The following DHRSX variants were observed in gnomAD, a reference collection of about 807,000 sequenced individuals.
DHRSX encodes dehydrogenase/reductase X-linked, also known as polyprenol dehydrogenase.
A neutral mutation model predicts 34.0 loss-of-function variants in DHRSX; 31 were observed. The observed-to-expected ratio is 0.91, with a 90% CI of 0.69 to 1.23. The LOEUF is 1.23. Among genes scored for constraint, DHRSX ranks in the 50% most tolerant of loss-of-function variants. DHRSX has a pLI of 0.00. For synonymous variants in DHRSX, 201 were observed against 183.8 expected (o/e 1.09, Z -0.76); for missense variants, 414 against 428.1 (o/e 0.97, Z 0.29).
chrX:2,265,767 A>T (rs2041451681), intron 5 of DHRSX, among the ~76,000 whole-genome samples: 2 of 141,644 alleles, frequency 1.4e-5, no homozygotes, highest in Admixed American at 6.9e-5. Flanking sequence ...TGCTTGGCAG[A>T]CGCAGGGAGC....
At chrX:2,382,730 C>T (rs1452326413) in intron 3 of DHRSX, among the ~76,000 whole-genome samples, 3 of 120,244 alleles carry the variant, frequency 2.5e-5, no homozygotes, top group South Asian at 2.9e-4. Context: ...CCATCATCAC[C>T]ATCATCATCG....
chrX:2,394,741 C>T (rs1469798944), intron 3 of DHRSX, among the ~76,000 whole-genome samples: 1 of 152,112 alleles, frequency 6.6e-6, no homozygotes, highest in African/African-American at 2.4e-5. Flanking sequence ...TGGCACGTGC[C>T]TGTAGTCCCA....
At chrX:2,489,435 G>A (rs1467251593) in intron 1 of DHRSX, 1 of 1,613,938 alleles carries the variant, frequency 6.2e-7, no homozygotes. Context: ...GTGTTCAGGA[G>A]CATGTGCAGC....
intron 3 of DHRSX, among the ~76,000 whole-genome samples, chrX:2,369,879 G>C (rs2043036968): frequency 6.6e-6 from 1 of 152,050 alleles, no homozygotes; most frequent in South Asian, 2.1e-4. Context: ...CTGACATCAA[G>C]TGATCTGCCC....
At chrX:2,334,878 CAGTT>C (rs1279850944) in intron 3 of DHRSX, 1 of 152,094 alleles carries the variant, frequency 6.6e-6, no homozygotes, top group Non-Finnish European at 1.5e-5. Flanking sequence ...GAGATGGTGT[CAGTT>C]AATTTAGAAA....
chrX:2,219,528 C>A lies in DHRSX; in HGVS notation c.*1513G>T, dbSNP rs1211193742. ...TGATTTTTTTTTTAAAGAGGCCAAA[C>A]AATACATTTATTATTTTCATTTAAG... On this transcript the variant is annotated 3_prime_UTR_variant, in exon 7 of 7. Coordinates refer to ENST00000334651, the MANE Select transcript of DHRSX (RefSeq NM_145177.3). 6.6e-6 allele frequency: 1 copy of A among 151,998 alleles called. No homozygotes were observed. Among genetic ancestry groups the A allele is most frequent in the Non-Finnish European group, 1.5e-5 (1 of 68,002 alleles). 9.4% of individuals were successfully genotyped at this position (151,998 alleles called of 1,614,324 possible). A position where few individuals can be genotyped will look rare whatever the true frequency, so the allele number is the denominator to read the frequency against.
At chrX:2,256,565 T>C (rs917432260) in intron 5 of DHRSX, among the ~76,000 whole-genome samples, 3 of 152,170 alleles carry the variant, frequency 2.0e-5, no homozygotes, top group Non-Finnish European at 4.4e-5. Context: ...CAAAGTGCTT[T>C]CTATTGAAAT....
At chrX:2,469,665 C>T (rs1445149652) in intron 1 of DHRSX, among the ~76,000 whole-genome samples, 3 of 151,844 alleles carry the variant, frequency 2.0e-5, no homozygotes, top group Admixed American at 1.3e-4. Context: ...CGTGTACACA[C>T]GGAAGACATT....
chrX:2,472,119 T>C (rs902531349), intron 1 of DHRSX, among the ~76,000 whole-genome samples: 1 of 143,554 alleles, frequency 7.0e-6, no homozygotes. Context: ...CACTCCAGCC[T>C]GGGCAACAAA....
chrX:2,304,853 A>T (rs1261204407), intron 3 of DHRSX, among the ~76,000 whole-genome samples: 1 of 151,884 alleles, frequency 6.6e-6, no homozygotes, highest in Non-Finnish European at 1.5e-5. Context: ...TCCCATTACT[A>T]GGTATATATC....
chrX:2,303,713 A>AGGATGGGTAGATGGAT (rs2124507121), intron 3 of DHRSX, among the ~76,000 whole-genome samples: 1 of 150,100 alleles, frequency 6.7e-6, no homozygotes, highest in South Asian at 2.1e-4. Flanking sequence ...GATGGGTGGA[A>AGGATGGGTAGATGGAT]GGATGGGTAG....
At chrX:2,369,227 A>G (rs2043028782) in intron 3 of DHRSX, among the ~76,000 whole-genome samples, 1 of 152,214 alleles carries the variant, frequency 6.6e-6, no homozygotes, top group Non-Finnish European at 1.5e-5. Flanking sequence ...CTGATGTGGA[A>G]ATAACACAAG....
At chrX:2,307,793 A>AAT (rs2042117175) in intron 3 of DHRSX, among the ~76,000 whole-genome samples, 1 of 138,712 alleles carries the variant, frequency 7.2e-6, no homozygotes, top group Non-Finnish European at 1.5e-5. Flanking sequence ...TAAAAATAAA[A>AAT]AAAATAAAAT....
chrX:2,229,195 C>A (rs1423918975), intron 6 of DHRSX, among the ~76,000 whole-genome samples: 1 of 152,148 alleles, frequency 6.6e-6, no homozygotes, highest in Non-Finnish European at 1.5e-5. Context: ...AACTCACACT[C>A]AGGGAAGTGG....
In DHRSX at chrX:2,271,831, C is replaced by T. The variant is rs1281559573; in HGVS notation, c.389-4884G>A. Among the ~76,000 whole-genome samples the T allele has an allele frequency of 7.2e-5, 11 of 152,094 alleles. No individual in the cohort carries two copies. In the East Asian group the frequency reaches 1.3e-3, roughly 19 times the overall value. On this transcript the variant is annotated intron_variant, in intron 4 of 6. Transcript: ENST00000334651. ...GCGAAGCGGGCAGATCAGTTCAGGT[C>T]AGGAGTTCGAGACCAGCTTGGCCAA...
At chrX:2,344,288 A>G (rs963608854) in intron 3 of DHRSX, among the ~76,000 whole-genome samples, 2 of 152,214 alleles carry the variant, frequency 1.3e-5, no homozygotes, top group Admixed American at 1.3e-4. Context: ...AATCAAAACC[A>G]CAATGAAATA....
chrX:2,349,854 G>T (rs35474006), intron 3 of DHRSX, among the ~76,000 whole-genome samples: 58,588 of 147,820 alleles, frequency 0.4, 14,328 homozygotes, highest in African/African-American at 0.67. Context: ...CTGGCTAACA[G>T]GGTGAAACCC....
In DHRSX at chrX:2,389,283, G is replaced by A. The variant is rs1032590227; in HGVS notation, c.286+19462C>T. 4.6e-5 allele frequency among the ~76,000 whole-genome samples: 7 copies of A among 152,242 alleles called. No individual in the cohort carries two copies. The East Asian group carries it at 1.4e-3, about 29-fold the overall frequency. ...GGTGCTCCAATGGCAGCTCATGGGG[G>A]GAAAGAGAGGGAAAGGCTGGGCCAG... On this transcript the variant is annotated intron_variant, in intron 3 of 6. Transcript: ENST00000334651.
intron 1 of DHRSX, among the ~76,000 whole-genome samples, chrX:2,496,678 G>T (rs980050938): frequency 6.6e-6 from 1 of 151,858 alleles, no homozygotes; most frequent in African/African-American, 2.4e-5. Context: ...TGTTCCCACC[G>T]CAAAGGAAAA....
Sources: allele counts gnomAD v4.1 joint callset (sites outside exome capture counted in the v4.1 genomes callset), GRCh38; gene constraint gnomAD v4.1.1; transcripts MANE v1.5; gene names NCBI Gene and HGNC (gene_info 2026-07-23, HGNC 2026-07-21).